ARHGAP23: variants seen among roughly 807,000 people sequenced by gnomAD.
The protein encoded by ARHGAP23 is Rho GTPase activating protein 23.
A neutral mutation model predicts 136.3 loss-of-function variants in ARHGAP23; 34 were observed. That is an observed-to-expected ratio of 0.25 (90% confidence interval 0.19 to 0.33). ARHGAP23 has a LOEUF of 0.33. Ranked by LOEUF, ARHGAP23 falls within the 10% of genes least tolerant of loss-of-function variation. ARHGAP23 has a pLI of 1.00. For missense variants in ARHGAP23, 1,808 were observed against 2,139.0 expected (o/e 0.85, Z 3.05); for synonymous variants, 832 against 920.5 (o/e 0.90, Z 1.74).
At chr17:38,496,158 A>G (rs1364669744) in intron 20 of ARHGAP23, among the ~76,000 whole-genome samples, 2 of 152,132 alleles carry the variant, frequency 1.3e-5, no homozygotes, top group Admixed American at 6.6e-5. Context: ...TCAGCCTCCC[A>G]AAGTGCTGGG....
intron 12 of ARHGAP23, 146 bp downstream of exon 12, chr17:38,478,042 A>T (rs7219798): frequency 0.35 from 316,923 of 904,574 alleles, 59,052 homozygotes; most frequent in South Asian, 0.43. Context: ...TGTGTCCCCC[A>T]AGGTTTCGGG....
chr17:38,420,126 C>T (rs1375004276), intron 1 of ARHGAP23, among the ~76,000 whole-genome samples: 2 of 152,164 alleles, frequency 1.3e-5, no homozygotes, highest in Non-Finnish European at 2.9e-5. Context: ...GGGATGAAGA[C>T]CCCCTCTGGT....
At chr17:38,474,012 C>T (rs1191172346) in intron 11 of ARHGAP23, among the ~76,000 whole-genome samples, 1 of 152,150 alleles carries the variant, frequency 6.6e-6, no homozygotes, top group East Asian at 1.9e-4. Flanking sequence ...CCTCCGCCCC[C>T]CAGGTTCAAG....
intron 23 of ARHGAP23, among the ~76,000 whole-genome samples, chr17:38,503,260 G>T (rs571282535): frequency 1.3e-5 from 2 of 152,188 alleles, no homozygotes; most frequent in Non-Finnish European, 2.9e-5. Context: ...TTGGCAGCAG[G>T]TCATTGGGGT....
At chr17:38,504,481 G>A (rs193009034) in intron 23 of ARHGAP23, among the ~76,000 whole-genome samples, 1 of 152,326 alleles carries the variant, frequency 6.6e-6, no homozygotes, top group African/African-American at 2.4e-5. Flanking sequence ...GAGCTCTGAG[G>A]GTGGGCACAA....
intron 1 of ARHGAP23, among the ~76,000 whole-genome samples, chr17:38,456,933 C>T (rs959293266): frequency 6.6e-6 from 1 of 151,366 alleles, no homozygotes; most frequent in Non-Finnish European, 1.5e-5. Context: ...TTTTTTGAGA[C>T]GAAGTCTCGC....
chr17:38,490,438 A>G (rs753530567), intron 18 of ARHGAP23, 24 bp from the exon 19 acceptor site: 19 of 1,508,290 alleles, frequency 1.3e-5, no homozygotes, highest in Admixed American at 7.9e-5. Flanking sequence ...GCCTGTCCCC[A>G]TGCCCCTCCT....
intron 1 of ARHGAP23, among the ~76,000 whole-genome samples, chr17:38,420,389 G>A (rs1463807223): frequency 1.3e-5 from 2 of 152,206 alleles, no homozygotes; most frequent in Non-Finnish European, 2.9e-5. Flanking sequence ...ACCTTTCAGT[G>A]CTCAGCCGCC....
intron 3 of ARHGAP23, among the ~76,000 whole-genome samples, chr17:38,461,167 A>G (rs1361084723): frequency 1.3e-5 from 2 of 151,604 alleles, no homozygotes; most frequent in African/African-American, 4.9e-5. Context: ...CATTTCCTCC[A>G]CAGAAGTTTG....
chr17:38,445,831 A>G (rs1190809498), intron 1 of ARHGAP23, among the ~76,000 whole-genome samples: 1 of 151,802 alleles, frequency 6.6e-6, no homozygotes, highest in Non-Finnish European at 1.5e-5. Flanking sequence ...ACAGGGTTTC[A>G]CCGTGTCGTC....
At position 38,500,618 on chromosome 17, in the gene ARHGAP23, C is replaced by G; in HGVS notation, c.3437C>G (p.Ala1146Gly). 6.5e-7 allele frequency: 1 copy of G among 1,549,316 alleles called. No homozygotes were observed. Residue 1146 changes from alanine to glycine, a missense_variant, in exon 23 of 24, where the codon GCC becomes GGC. Physicochemically the swap from Ala to Gly is moderately conservative, Grantham distance 60. Transcript: ENST00000622683. ...PGSDSTTCSS[A>G]KSKGSWAPKK... ...ACAGATTCTACCACCTGTAGTTCAG[C>G]CAAGTCCAAGGTACGTATGAAGGCA...
chr17:38,480,337 A>G (rs1457904291), intron 14 of ARHGAP23, among the ~76,000 whole-genome samples: 1 of 152,144 alleles, frequency 6.6e-6, no homozygotes, highest in East Asian at 1.9e-4. Flanking sequence ...CCCCAACTCT[A>G]CTAAAAATAC....
intron 21 of ARHGAP23, 68 bp downstream of exon 21, chr17:38,497,894 G>A: frequency 2.0e-6 from 3 of 1,504,424 alleles, no homozygotes; most frequent in South Asian, 1.2e-5. Context: ...CTTGGGGGTG[G>A]GGCAGGCAGC....
Position 38,509,868 on chromosome 17 carries a change from G to A in ARHGAP23, c.3448-76G>A, listed in dbSNP as rs572187661. On this transcript the variant is annotated intron_variant, in intron 23 of 23. Transcript: ENST00000622683. ...TGGCGACTGGGTGCCGTGACGTGGGGGTGGACCGGGTAGAGCGGGGTCGGC... is the reference window on the plus strand; with the variant it reads ...TGGCGACTGGGTGCCGTGACGTGGGAGTGGACCGGGTAGAGCGGGGTCGGC... 5 of 1,133,752 alleles carry A rather than the reference G, an allele frequency of 4.4e-6. No homozygotes were observed. The East Asian group carries it at 1.3e-4, about 29-fold the overall frequency. The allele number at this position is 1,133,752 out of a possible 1,614,324, so 70.2% of individuals were successfully genotyped here.
intron 23 of ARHGAP23, among the ~76,000 whole-genome samples, chr17:38,507,858 G>A (rs1486782197): frequency 6.6e-6 from 1 of 152,218 alleles, no homozygotes; most frequent in Non-Finnish European, 1.5e-5. Flanking sequence ...AAGGACAGTG[G>A]CTGCAGTGGC....
chr17:38,437,725 T>C (rs1288293456), intron 1 of ARHGAP23, among the ~76,000 whole-genome samples: 2 of 149,866 alleles, frequency 1.3e-5, no homozygotes, highest in Admixed American at 1.3e-4. Context: ...AGGACACCCC[T>C]CACCCAGGGA....
At chr17:38,424,744 G>A (rs2038553557), upstream of ARHGAP23, among the ~76,000 whole-genome samples, 1 of 152,194 alleles carries the variant, frequency 6.6e-6, no homozygotes, top group Non-Finnish European at 1.5e-5. Flanking sequence ...AAATGCCTGG[G>A]TTCAAATCCT....
intron 1 of ARHGAP23, chr17:38,451,106 AC>A: frequency 6.6e-6 from 1 of 152,234 alleles, no homozygotes; most frequent in Non-Finnish European, 1.5e-5. Flanking sequence ...TCTGGGGCCC[AC>A]CCCACATTCC....
chr17:38,473,299 G>A (rs2039808820), intron 11 of ARHGAP23, among the ~76,000 whole-genome samples: 1 of 151,940 alleles, frequency 6.6e-6, no homozygotes, highest in African/African-American at 2.4e-5. Flanking sequence ...TGGGGTCTTG[G>A]GGGTCCCTGG....
Sources: gnomAD v4.1 joint callset for allele counts (sites outside exome capture counted in the v4.1 genomes callset) on GRCh38, gnomAD v4.1.1 for gene constraint, MANE v1.5 for transcripts, NCBI Gene and HGNC (gene_info 2026-07-23, HGNC 2026-07-21) for gene names.